The following KCNN3 variants were observed in gnomAD, a reference collection of about 807,000 sequenced individuals.
The protein encoded by KCNN3 is potassium calcium-activated channel subfamily N member 3, also known as small conductance calcium-activated potassium channel protein 3.
A neutral mutation model predicts 62.9 loss-of-function variants in KCNN3; 16 were observed. The observed-to-expected ratio is 0.25, with a 90% CI of 0.17 to 0.39. KCNN3 has a LOEUF of 0.39. KCNN3 is among the 10% of genes least tolerant of loss of function. The pLI is 1.00. For synonymous variants in KCNN3, 370 were observed against 389.2 expected (o/e 0.95, Z 0.58); for missense variants, 599 against 949.4 (o/e 0.63, Z 4.85).
Position 154,707,596 on chromosome 1 carries a change from C to G in KCNN3, c.*380G>C, listed in dbSNP as rs532048084. 4 of 181,204 alleles carry G rather than the reference C, an allele frequency of 2.2e-5. No homozygotes were observed. The South Asian group carries it at 5.4e-4, about 24-fold the overall frequency. The allele number at this position is 181,204 out of a possible 1,614,324, so 11.2% of individuals were successfully genotyped here. A position where few individuals can be genotyped will look rare whatever the true frequency, so the allele number is the denominator to read the frequency against. ...TCCCCCAAGCCTGACACAACCCTCCCTCCCAGCGGACCCCTCTTCTGGACT... is the reference window on the plus strand; with the variant it reads ...TCCCCCAAGCCTGACACAACCCTCCGTCCCAGCGGACCCCTCTTCTGGACT... On this transcript the variant is annotated 3_prime_UTR_variant, in exon 8 of 8. Transcript: ENST00000271915.
Position 154,753,344 on chromosome 1 carries a change from T to C in KCNN3, c.1448+18631A>G, listed in dbSNP as rs192969149. Among the ~76,000 whole-genome samples, 5 of 152,286 alleles carry C rather than the reference T, an allele frequency of 3.3e-5. 1 individual carries two copies. Among genetic ancestry groups the C allele is most frequent in the African/African-American group, 1.2e-4 (5 of 41,558 alleles). ...TCTGCCTGTACTTACTAATAGGCAG[T>C]GGCTTCCCCCTAAAAATCACTGTTT... On this transcript the variant is annotated intron_variant, in intron 3 of 7. Coordinates refer to ENST00000271915, the MANE Select transcript of KCNN3 (RefSeq NM_002249.6).
intron 3 of KCNN3, among the ~76,000 whole-genome samples, chr1:154,760,834 G>T (rs904540758): frequency 1.4e-5 from 2 of 139,496 alleles, no homozygotes; most frequent in Admixed American, 1.4e-4. Flanking sequence ...CCGCAGAGGG[G>T]CTCCAAGGGA....
chr1:154,822,010 TG>T, intron 2 of KCNN3, 78 bp downstream of exon 2: 2 of 1,034,686 alleles, frequency 1.9e-6, no homozygotes, highest in Non-Finnish European at 3.0e-6. Context: ...GAGTGGGTTT[TG>T]GGGGTGGGGA....
Position 154,858,575 on chromosome 1 carries a change from C to T in KCNN3, c.933+10457G>A, listed in dbSNP as rs74116211. ...AGGCACAGATTCTCTGCACTCCTGCCGCCTGGAGCAGGGCTTGCCACACAG... is the reference window on the plus strand; with the variant it reads ...AGGCACAGATTCTCTGCACTCCTGCTGCCTGGAGCAGGGCTTGCCACACAG... On this transcript the variant is annotated intron_variant, in intron 1 of 7. Transcript: ENST00000271915. Among the ~76,000 whole-genome samples the T allele has an allele frequency of 7.1e-3, 1,074 of 152,250 alleles. 12 individuals are homozygous for T. The highest frequency in any genetic ancestry group is 0.024 in the African/African-American group (994 of 41,538).
At chr1:154,777,590 GA>G (rs1346575825) in intron 2 of KCNN3, among the ~76,000 whole-genome samples, 31 of 152,310 alleles carry the variant, frequency 2.0e-4, no homozygotes, top group Admixed American at 1.8e-3. Flanking sequence ...CCAAGCCTTA[GA>G]AAGTTCTAGA....
At chr1:154,829,436 T>C (rs1180886141) in intron 1 of KCNN3, among the ~76,000 whole-genome samples, 1 of 152,190 alleles carries the variant, frequency 6.6e-6, no homozygotes, top group African/African-American at 2.4e-5. Context: ...GGGCTGGAGA[T>C]GGGGCTAAAC....
At chr1:154,789,054 T>G (rs1649401713) in intron 2 of KCNN3, among the ~76,000 whole-genome samples, 2 of 152,200 alleles carry the variant, frequency 1.3e-5, no homozygotes, top group Admixed American at 6.5e-5. Context: ...AGGCCAGATG[T>G]GTGGAATCAG....
chr1:154,773,972 T>G (rs748710433), intron 2 of KCNN3, among the ~76,000 whole-genome samples: 2 of 152,208 alleles, frequency 1.3e-5, no homozygotes, highest in Non-Finnish European at 2.9e-5. Flanking sequence ...CGGCACGGAC[T>G]CTGGAGCCAG....
intron 1 of KCNN3, among the ~76,000 whole-genome samples, chr1:154,853,330 CTGTTTT>C (rs954727092): frequency 6.6e-6 from 1 of 151,894 alleles, no homozygotes; most frequent in Admixed American, 6.5e-5. Flanking sequence ...TTTTTGTTTT[CTGTTTT>C]TGTTTTTGTT....
Position 154,725,902 on chromosome 1 carries a change from G to A in KCNN3, c.1701+14C>T, listed in dbSNP as rs748994558. ...CTTAAGTCCCCCATAAGACATGGCT[G>A]TGTGGCATCTTACCCGCTTGGTGAG... On this transcript the variant is annotated intron_variant, in intron 5 of 7. Transcript: ENST00000271915. 5 of 1,598,516 alleles carry A rather than the reference G, an allele frequency of 3.1e-6. No homozygotes were observed. In the Admixed American group the frequency reaches 5.0e-5, roughly 16 times the overall value.
chr1:154,859,768 C>T (rs370811111), intron 1 of KCNN3: 6 of 1,614,184 alleles, frequency 3.7e-6, no homozygotes, highest in East Asian at 4.5e-5. Context: ...GCGTGGCAGG[C>T]CTGGTATCAG....
intron 2 of KCNN3, among the ~76,000 whole-genome samples, chr1:154,814,528 C>T (rs1004434217): frequency 8.5e-5 from 13 of 152,246 alleles, no homozygotes; most frequent in Middle Eastern, 3.4e-3. Context: ...GGAAGGGGGA[C>T]GATGGCCAGA....
chr1:154,857,531 G>A (rs1652588084), intron 1 of KCNN3, among the ~76,000 whole-genome samples: 1 of 149,870 alleles, frequency 6.7e-6, no homozygotes, highest in Non-Finnish European at 1.5e-5. Flanking sequence ...GGTGGGGTGG[G>A]CGGGAGTGGA....
intron 7 of KCNN3, among the ~76,000 whole-genome samples, chr1:154,709,791 A>G (rs1348334825): frequency 6.6e-6 from 1 of 152,170 alleles, no homozygotes; most frequent in Non-Finnish European, 1.5e-5. Context: ...CCTCGAGGCA[A>G]ACATTCTTCC....
intron 3 of KCNN3, among the ~76,000 whole-genome samples, chr1:154,742,782 T>A (rs796260649): frequency 1.3e-5 from 2 of 152,336 alleles, no homozygotes; most frequent in African/African-American, 4.8e-5. Context: ...ACGGGCTCCA[T>A]CAGCCTTCAG....
At chr1:154,775,920 T>G (rs1648770062) in intron 2 of KCNN3, among the ~76,000 whole-genome samples, 2 of 152,182 alleles carry the variant, frequency 1.3e-5, no homozygotes. Context: ...AAGAATCGCA[T>G]CTGGTTACTA....
chr1:154,756,341 G>A (rs1647710391), intron 3 of KCNN3, among the ~76,000 whole-genome samples: 1 of 151,980 alleles, frequency 6.6e-6, no homozygotes, highest in African/African-American at 2.4e-5. Context: ...AAGAGGAGGA[G>A]GAAGAAGAAG....
chr1:154,737,398 G>A (rs950647734), intron 3 of KCNN3, among the ~76,000 whole-genome samples: 4 of 152,136 alleles, frequency 2.6e-5, no homozygotes, highest in Admixed American at 6.5e-5. Flanking sequence ...AAAGATGGTA[G>A]AGACATATGT....
At position 154,700,313 on chromosome 1, in the gene KCNN3, G is replaced by T. The variant is rs1168858724; in HGVS notation, c.*7663C>A. 9 of 152,216 alleles carry T rather than the reference G, an allele frequency of 5.9e-5. No homozygotes were observed. Among genetic ancestry groups the T allele is most frequent in the Non-Finnish European group, 1.5e-5 (1 of 68,038 alleles). The allele number at this position is 152,216 out of a possible 1,614,324, so 9.4% of individuals were successfully genotyped here. A position where few individuals can be genotyped will look rare whatever the true frequency, so the allele number is the denominator to read the frequency against. ...CTTACAGATGATGCTAACGCTGCTG[G>T]TCTGTGGACCACACTTTGAGTAGCA... On this transcript the variant is annotated 3_prime_UTR_variant, in exon 8 of 8. Transcript: ENST00000271915.
Sources: allele counts gnomAD v4.1 joint callset (sites outside exome capture counted in the v4.1 genomes callset), GRCh38; gene constraint gnomAD v4.1.1; transcripts MANE v1.5; gene names NCBI Gene and HGNC (gene_info 2026-07-23, HGNC 2026-07-21).